PDE4D: variants seen among roughly 807,000 people sequenced by gnomAD.
PDE4D encodes the protein 3',5'-cyclic-AMP phosphodiesterase 4D.
In PDE4D, 24 loss-of-function variants were observed where a neutral mutation model predicts 87.4. That is an observed-to-expected ratio of 0.27 (90% CI 0.20 to 0.39). PDE4D has a LOEUF of 0.39. Ranked by LOEUF, PDE4D falls within the 10% of genes least tolerant of loss-of-function variation. PDE4D has a pLI of 1.00. For missense variants in PDE4D, 714 were observed against 1,041.0 expected, an observed-to-expected ratio of 0.69 and a Z score of 4.32; for synonymous variants, 384 against 383.2, an observed-to-expected ratio of 1.00 and a Z score of -0.02.
intron 1 of PDE4D, among the ~76,000 whole-genome samples, chr5:59,372,929 A>G (rs1316017076): frequency 3.9e-5 from 6 of 152,192 alleles, no homozygotes; most frequent in Non-Finnish European, 7.3e-5. Context: ...TTGGACCCCT[A>G]AAATCTTCCA....
intron 1 of PDE4D, among the ~76,000 whole-genome samples, chr5:59,536,504 CAAAAAAAAAAAAAAAAAAAAA>C (rs10586960): frequency 3.5e-5 from 2 of 56,384 alleles, no homozygotes; most frequent in South Asian, 9.8e-4. Context: ...GACTCAGCCT[CAAAAAAAAAAAAAAAAAAAAA>C]AAAAAAAAAA....
intron 2 of PDE4D, among the ~76,000 whole-genome samples, chr5:60,038,085 T>G (rs1478701744): frequency 6.6e-6 from 1 of 152,180 alleles, no homozygotes; most frequent in Non-Finnish European, 1.5e-5. Flanking sequence ...GCCTGTTCAC[T>G]CTGATGGTAG....
intron 1 of PDE4D, among the ~76,000 whole-genome samples, chr5:59,305,840 A>T (rs1474391002): frequency 6.6e-6 from 1 of 152,150 alleles, no homozygotes; most frequent in Non-Finnish European, 1.5e-5. Context: ...TCTTGGAGAA[A>T]GTTCCATGCA....
At chr5:59,642,514 T>C (rs1741762860) in intron 1 of PDE4D, among the ~76,000 whole-genome samples, 1 of 152,158 alleles carries the variant, frequency 6.6e-6, no homozygotes, top group Non-Finnish European at 1.5e-5. Flanking sequence ...ACTATTCTCG[T>C]GGTGGTGAAT....
intron 1 of PDE4D, among the ~76,000 whole-genome samples, chr5:60,425,568 A>G (rs1408981633): frequency 5.3e-5 from 7 of 132,390 alleles, no homozygotes; most frequent in African/African-American, 2.3e-4. Flanking sequence ...TAGACATAAA[A>G]CCATAAAAAC....
chr5:59,690,334 G>A (rs980866898), intron 1 of PDE4D, among the ~76,000 whole-genome samples: 1 of 152,188 alleles, frequency 6.6e-6, no homozygotes, highest in Admixed American at 6.5e-5. Context: ...CAAGGCTACA[G>A]TAACCAAAAC....
chr5:60,451,594 G>A (rs189075360), intron 1 of PDE4D, among the ~76,000 whole-genome samples: 1 of 152,044 alleles, frequency 6.6e-6, no homozygotes, highest in Non-Finnish European at 1.5e-5. Flanking sequence ...GATTAAAGGT[G>A]GAATTTGACC....
At chr5:60,103,665 A>G (rs1776497333) in intron 2 of PDE4D, among the ~76,000 whole-genome samples, 1 of 152,240 alleles carries the variant, frequency 6.6e-6, no homozygotes, top group African/African-American at 2.4e-5. Flanking sequence ...ACAGATAGGC[A>G]TAACAAACTT....
chr5:60,219,498 C>G (rs377603975), intron 1 of PDE4D, among the ~76,000 whole-genome samples: 1 of 152,110 alleles, frequency 6.6e-6, no homozygotes, highest in Non-Finnish European at 1.5e-5. Flanking sequence ...ACTTGCTCCA[C>G]GTCAGATACG....
intron 3 of PDE4D, among the ~76,000 whole-genome samples, chr5:59,188,079 C>A (rs752835148): frequency 2.6e-5 from 4 of 151,976 alleles, no homozygotes; most frequent in Non-Finnish European, 4.4e-5. Context: ...AGTTAAAGTT[C>A]CATTGTTCTT....
At chr5:58,988,027 G>A (rs1007108472) in intron 11 of PDE4D, among the ~76,000 whole-genome samples, 5 of 152,112 alleles carry the variant, frequency 3.3e-5, no homozygotes, top group Non-Finnish European at 7.4e-5. Flanking sequence ...ATATTAAGAA[G>A]TTCCTGTTAC....
chr5:59,042,952 G>A (rs1580478133), intron 5 of PDE4D, among the ~76,000 whole-genome samples: 1 of 152,160 alleles, frequency 6.6e-6, no homozygotes, highest in African/African-American at 2.4e-5. Context: ...CAGTTAGCTA[G>A]AGGTTGAGGT....
intron 6 of PDE4D, among the ~76,000 whole-genome samples, chr5:59,016,695 G>A (rs4321723): frequency 0.84 from 127,570 of 152,060 alleles, 53,579 homozygotes; most frequent in Admixed American, 0.9. Flanking sequence ...AAATACAAAC[G>A]AAAATACCAG....
At chr5:59,917,699 A>C (rs1754218455) in intron 3 of PDE4D, among the ~76,000 whole-genome samples, 1 of 152,186 alleles carries the variant, frequency 6.6e-6, no homozygotes, top group Admixed American at 6.5e-5. Flanking sequence ...TACATACTTG[A>C]CACTTGCTTA....
chr5:59,405,095 A>ATT (rs36013923), intron 1 of PDE4D, among the ~76,000 whole-genome samples: 8 of 151,454 alleles, frequency 5.3e-5, no homozygotes, highest in Admixed American at 3.3e-4. Context: ...GAATTTTAAG[A>ATT]TATTTTTCTA....
intron 1 of PDE4D, among the ~76,000 whole-genome samples, chr5:59,321,497 T>C: frequency 6.6e-6 from 1 of 152,132 alleles, no homozygotes; most frequent in East Asian, 1.9e-4. Context: ...CTTCTTGCCT[T>C]TGTGTTCTCC....
At chr5:59,038,327 A>G (rs1225010293) in intron 6 of PDE4D, among the ~76,000 whole-genome samples, 1 of 152,224 alleles carries the variant, frequency 6.6e-6, no homozygotes, top group Non-Finnish European at 1.5e-5. Context: ...AGTAATGATC[A>G]TAAGGAACCT....
At chr5:59,902,483 A>G (rs1021285093) in intron 3 of PDE4D, among the ~76,000 whole-genome samples, 1 of 152,148 alleles carries the variant, frequency 6.6e-6, no homozygotes, top group African/African-American at 2.4e-5. Flanking sequence ...TGGAAAGGTT[A>G]TGCAATTCAT....
intron 5 of PDE4D, among the ~76,000 whole-genome samples, chr5:59,104,380 A>G (rs1229703223): frequency 6.6e-6 from 1 of 152,246 alleles, no homozygotes; most frequent in Non-Finnish European, 1.5e-5. Flanking sequence ...ACCAAGGTCC[A>G]TCTTACTCCA....
Sources: allele counts gnomAD v4.1 joint callset (sites outside exome capture counted in the v4.1 genomes callset), GRCh38; gene constraint gnomAD v4.1.1; transcripts MANE v1.5; gene names NCBI Gene and HGNC (gene_info 2026-07-23, HGNC 2026-07-21).